PTK2B: variants seen among roughly 807,000 people sequenced by gnomAD.
PTK2B encodes protein tyrosine kinase 2 beta, also known as protein-tyrosine kinase 2-beta.
In PTK2B, 71 loss-of-function variants were observed where a neutral mutation model predicts 142.9. That is an observed-to-expected ratio of 0.50 (90% CI 0.41 to 0.61). PTK2B has a LOEUF of 0.61. Among genes scored for constraint, PTK2B ranks in the 20% least tolerant of loss-of-function variants. The pLI, the probability that PTK2B is intolerant of heterozygous loss-of-function variation, is 0.00. For missense variants in PTK2B, 1,105 were observed against 1,320.4 expected (o/e 0.84, Z 2.53); for synonymous variants, 519 against 503.4 (o/e 1.03, Z -0.42).
chr8:27,325,826 G>T (rs948174431), intron 1 of PTK2B, 145 bp downstream of exon 1: 1 of 152,346 alleles, frequency 6.6e-6, no homozygotes, highest in Non-Finnish European at 1.5e-5. Context: ...CCAGGAAATC[G>T]GAGCCGTGGG....
rs1042446998 is a variant in PTK2B at position 27,331,283 on chromosome 8, A to G, written c.-38+5602A>G. Among the ~76,000 whole-genome samples the G allele has an allele frequency of 7.5e-4, 114 of 152,052 alleles. 1 individual carries two copies. Among genetic ancestry groups the G allele is most frequent in the Non-Finnish European group, 2.9e-5 (2 of 68,004 alleles). The stretch of plus-strand genomic sequence containing the variant: ...CTGATTCTGTGAGAACCTGCCCCCC[A>G]CAAGCCATAGCAGTCCCACTGGTTC... On this transcript the variant is annotated intron_variant, in intron 1 of 30. Coordinates refer to ENST00000346049, the MANE Select transcript of PTK2B (RefSeq NM_173176.3).
chr8:27,328,571 T>C (rs1398263503), intron 1 of PTK2B, among the ~76,000 whole-genome samples: 2 of 152,210 alleles, frequency 1.3e-5, no homozygotes, highest in African/African-American at 2.4e-5. Flanking sequence ...GCCCTTGGAT[T>C]GTTTGCCCAG....
At chr8:27,454,034 G>C (rs2132517782) in intron 28 of PTK2B, 120 bp from the exon 29 acceptor site, 1 of 1,380,130 alleles carries the variant, frequency 7.2e-7, no homozygotes, top group East Asian at 2.3e-5. Flanking sequence ...TTATTCTAAA[G>C]AAGAGTCCTT....
intron 1 of PTK2B, among the ~76,000 whole-genome samples, chr8:27,336,170 A>C (rs1040048406): frequency 3.8e-4 from 58 of 152,148 alleles, no homozygotes; most frequent in Admixed American, 7.2e-4. Context: ...TGTAGATTTG[A>C]ACTCCCTGAA....
At chr8:27,368,613 A>G (rs868452816) in intron 1 of PTK2B, among the ~76,000 whole-genome samples, 6 of 152,344 alleles carry the variant, frequency 3.9e-5, no homozygotes, top group African/African-American at 1.2e-4. Flanking sequence ...TACATGTGCA[A>G]TCACACACAA....
At chr8:27,454,782 C>T (rs1812046245) in intron 30 of PTK2B, among the ~76,000 whole-genome samples, 171 bp downstream of exon 30, 1 of 152,164 alleles carries the variant, frequency 6.6e-6, no homozygotes, top group African/African-American at 2.4e-5. Flanking sequence ...GCTGAGAGGG[C>T]ACCCAGGGAC....
chr8:27,451,379 A>G (rs1375286483), intron 26 of PTK2B, 106 bp from the exon 27 acceptor site: 4 of 1,545,380 alleles, frequency 2.6e-6, no homozygotes, highest in Non-Finnish European at 3.5e-6. Flanking sequence ...CCATGGCTGT[A>G]ATCTCTAAAC....
intron 5 of PTK2B, among the ~76,000 whole-genome samples, chr8:27,422,764 G>A (rs1044167900): frequency 6.6e-6 from 1 of 152,208 alleles, no homozygotes; most frequent in Admixed American, 6.5e-5. Flanking sequence ...GTTGCCCATT[G>A]CTGTATCCCC....
chr8:27,365,663 G>A (rs535439808), intron 1 of PTK2B, among the ~76,000 whole-genome samples: 15 of 152,050 alleles, frequency 9.9e-5, no homozygotes, highest in African/African-American at 2.7e-4. Context: ...TTCGTTTTGC[G>A]GATTAAATGA....
intron 22 of PTK2B, 144 bp downstream of exon 22, chr8:27,443,127 G>A (rs1278554675): frequency 1.6e-6 from 1 of 615,708 alleles, no homozygotes; most frequent in South Asian, 2.0e-5. Flanking sequence ...ATCACTGTCA[G>A]CGTGTCACAT....
At chr8:27,443,049 T>C (rs1298701537) in intron 22 of PTK2B, 66 bp downstream of exon 22, 2 of 1,192,832 alleles carry the variant, frequency 1.7e-6, no homozygotes, top group Non-Finnish European at 2.5e-6. Flanking sequence ...GTCTGATCCA[T>C]GTCCCCCTTA....
intron 2 of PTK2B, among the ~76,000 whole-genome samples, chr8:27,411,386 A>T (rs1809055397): frequency 6.6e-6 from 1 of 152,172 alleles, no homozygotes; most frequent in Admixed American, 6.5e-5. Flanking sequence ...CACCCCCCTG[A>T]ATTCACACCA....
intron 1 of PTK2B, among the ~76,000 whole-genome samples, chr8:27,349,508 A>C (rs932055566): frequency 2.6e-5 from 4 of 152,160 alleles, no homozygotes; most frequent in African/African-American, 9.7e-5. Flanking sequence ...GATTCTCAGA[A>C]GGCAGCACAG....
upstream of PTK2B, among the ~76,000 whole-genome samples, chr8:27,321,330 A>G (rs1349981263): frequency 6.6e-6 from 1 of 152,128 alleles, no homozygotes; most frequent in Non-Finnish European, 1.5e-5. Flanking sequence ...AGAAATTCCA[A>G]GGGTTTTAGA....
At chr8:27,401,311 G>A (rs1417744402) in intron 2 of PTK2B, among the ~76,000 whole-genome samples, 2 of 152,168 alleles carry the variant, frequency 1.3e-5, no homozygotes, top group Non-Finnish European at 2.9e-5. Flanking sequence ...AAGGCAGAGG[G>A]GGCTTTAAGG....
intron 29 of PTK2B, 74 bp downstream of exon 29, chr8:27,454,365 T>A: frequency 6.4e-7 from 1 of 1,573,710 alleles, no homozygotes; most frequent in South Asian, 1.1e-5. Flanking sequence ...CTGCGCTTCC[T>A]GTTGGCTGGC....
At chr8:27,334,749 G>A (rs1322926926) in intron 1 of PTK2B, among the ~76,000 whole-genome samples, 2 of 152,166 alleles carry the variant, frequency 1.3e-5, no homozygotes, top group Admixed American at 1.3e-4. Flanking sequence ...TCCCCGCAGT[G>A]GGTGTCGCAA....
intron 2 of PTK2B, among the ~76,000 whole-genome samples, chr8:27,413,337 T>A (rs1442396084): frequency 2.0e-5 from 3 of 152,208 alleles, no homozygotes; most frequent in Non-Finnish European, 2.9e-5. Context: ...GCTATAACAC[T>A]ACCTTCCACA....
intron 18 of PTK2B, 100 bp downstream of exon 18, chr8:27,437,980 T>C (rs1038121385): frequency 2.9e-6 from 3 of 1,049,348 alleles, no homozygotes; most frequent in Non-Finnish European, 4.2e-6. Context: ...CACAGAGCAG[T>C]GTTGGAATCC....
Sources: gnomAD v4.1 joint callset for allele counts (sites outside exome capture counted in the v4.1 genomes callset) on GRCh38, gnomAD v4.1.1 for gene constraint, MANE v1.5 for transcripts, NCBI Gene and HGNC (gene_info 2026-07-23, HGNC 2026-07-21) for gene names.